IL3RA: variants seen among roughly 807,000 people sequenced by gnomAD.
IL3RA encodes the protein interleukin-3 receptor subunit alpha.
Under a neutral mutation model 52.3 loss-of-function variants are expected in IL3RA, and 73 were observed. The ratio of observed to expected loss-of-function variants is 1.40; its 90% CI spans 1.16 to 1.70. The LOEUF (loss-of-function observed/expected upper bound fraction) is 1.70. IL3RA is among the 40% of genes most tolerant of loss of function. The pLI, the probability that IL3RA is intolerant of heterozygous loss-of-function variation, is 0.00. For synonymous variants in IL3RA, 260 were observed against 194.0 expected (o/e 1.34, Z -2.83); for missense variants, 664 against 504.4 (o/e 1.32, Z -3.03).
chrX:1,378,686 C>T lies in IL3RA; in HGVS notation c.902C>T (p.Thr301Ile), dbSNP rs1569528320. Residue 301 changes from threonine to isoleucine, a missense_variant, in exon 10 of 12, where the codon ACA becomes ATA. Transcript: ENST00000331035. Reference protein sequence around the residue: ...FECDQEEGANTRAWRTSLLIA... With the variant: ...FECDQEEGANIRAWRTSLLIA... Reference sequence around the variant, plus strand: ...TGCGACCAGGAGGAGGGCGCAAACACACGTGCCTGGCGGACGTCGCTGCTG... The same window carrying T: ...TGCGACCAGGAGGAGGGCGCAAACATACGTGCCTGGCGGACGTCGCTGCTG... 9 of 1,612,732 alleles carry T rather than the reference C, an allele frequency of 5.6e-6. No individual in the cohort carries two copies. The highest frequency in any genetic ancestry group is 2.2e-5 in the East Asian group (1 of 44,892).
At chrX:1,354,104 A>G (rs2086421471) in intron 6 of IL3RA, among the ~76,000 whole-genome samples, 1 of 136,808 alleles carries the variant, frequency 7.3e-6, no homozygotes, top group South Asian at 2.4e-4. Flanking sequence ...ATCCCTCATC[A>G]TGGGTCATGG....
At chrX:1,355,468 G>GGGA (rs1302357154) in intron 6 of IL3RA, among the ~76,000 whole-genome samples, 4 of 142,884 alleles carry the variant, frequency 2.8e-5, no homozygotes, top group East Asian at 4.7e-4. Flanking sequence ...TAGGAGGAGG[G>GGGA]GGAGGAGGAG....
At chrX:1,361,577 TAG>T (rs2087368694) in intron 8 of IL3RA, among the ~76,000 whole-genome samples, 5 of 151,798 alleles carry the variant, frequency 3.3e-5, no homozygotes, top group Non-Finnish European at 4.4e-5. Context: ...TGGTGAAACC[TAG>T]CTCTACTAAA....
At chrX:1,347,552 G>C (rs1467010970) in intron 3 of IL3RA, among the ~76,000 whole-genome samples, 1 of 151,766 alleles carries the variant, frequency 6.6e-6, no homozygotes, top group Non-Finnish European at 1.5e-5. Flanking sequence ...CCGAGAGGTG[G>C]AGGTTGCAGT....
At chrX:1,341,485 CAT>C (rs1331975416) in intron 1 of IL3RA, among the ~76,000 whole-genome samples, 3 of 152,168 alleles carry the variant, frequency 2.0e-5, no homozygotes, top group Non-Finnish European at 4.4e-5. Flanking sequence ...GGCATGCACA[CAT>C]ATAGACCCAT....
At chrX:1,353,965 G>C (rs62605698) in intron 6 of IL3RA, among the ~76,000 whole-genome samples, 2 of 49,916 alleles carry the variant, frequency 4.0e-5, no homozygotes, top group Non-Finnish European at 8.3e-5. Flanking sequence ...ATCATGGGTC[G>C]TGGGACCCCC....
At chrX:1,364,637 T>A (rs1205461710) in intron 8 of IL3RA, among the ~76,000 whole-genome samples, 1 of 149,824 alleles carries the variant, frequency 6.7e-6, no homozygotes, top group Non-Finnish European at 1.5e-5. Context: ...CGTCTGGTAA[T>A]TTTTACAGTT....
In IL3RA at chrX:1,348,509, C is replaced by A. The variant is rs755723829; in HGVS notation, c.262C>A (p.Pro88Thr). The A allele has an allele frequency of 6.2e-7, 1 of 1,613,756 alleles. No individual in the cohort carries two copies. Among genetic ancestry groups the A allele is most frequent in the East Asian group, 2.2e-5 (1 of 44,880 alleles). The change falls in exon 4 of 12, where the codon CCA becomes ACA. Residue 88 changes from proline (P) to threonine (T), a missense_variant. Physicochemically the swap from Pro to Thr is conservative, Grantham distance 38. Transcript: ENST00000331035. ...VTNYTVRVAN[P>T]PFSTWILFPE... ...CAACTACACCGTCCGAGTGGCCAACCCACCATTCTCCACGTGGATCCTCTT... is the reference window on the plus strand; with the variant it reads ...CAACTACACCGTCCGAGTGGCCAACACACCATTCTCCACGTGGATCCTCTT...
At chrX:1,352,060 C>T (rs372292712) in intron 4 of IL3RA, 40 bp from the exon 5 acceptor site, 204 of 1,607,554 alleles carry the variant, frequency 1.3e-4, no homozygotes, top group African/African-American at 3.1e-4. Flanking sequence ...CCACCGCGCC[C>T]GGTCCCGATT....
At chrX:1,360,402 GTC>G (rs1345414969) in intron 8 of IL3RA, among the ~76,000 whole-genome samples, 2 of 146,846 alleles carry the variant, frequency 1.4e-5, no homozygotes, top group South Asian at 2.2e-4. Context: ...CCAAATCTGT[GTC>G]TCTGTCTCTC....
chrX:1,343,303 G>T (rs1161695972), intron 2 of IL3RA, among the ~76,000 whole-genome samples: 2 of 152,058 alleles, frequency 1.3e-5, no homozygotes, highest in Non-Finnish European at 1.5e-5. Context: ...GCCGATCAGA[G>T]ATAAACCCTA....
intron 4 of IL3RA, among the ~76,000 whole-genome samples, chrX:1,349,725 C>T (rs1476017806): frequency 2.6e-5 from 4 of 151,594 alleles, no homozygotes; most frequent in African/African-American, 4.9e-5. Flanking sequence ...TGCAGTGGTG[C>T]GATTTCAGCT....
At chrX:1,346,115 C>A (rs1332060571) in intron 3 of IL3RA, among the ~76,000 whole-genome samples, 2 of 150,946 alleles carry the variant, frequency 1.3e-5, no homozygotes, top group Non-Finnish European at 2.9e-5. Flanking sequence ...GAGTTCGAGA[C>A]CAGTCTGGCC....
chrX:1,349,036 C>G (rs2148941646), intron 4 of IL3RA, among the ~76,000 whole-genome samples: 1 of 150,068 alleles, frequency 6.7e-6, no homozygotes, highest in African/African-American at 2.4e-5. Context: ...CTGACACGGT[C>G]TTGCTCTGTT....
At position 1,378,768 on chromosome X, in the gene IL3RA, A is replaced by G; in HGVS notation, c.980+4A>G. On this transcript the variant is annotated splice_donor_region_variant and intron_variant, in intron 10 of 11. Transcript: ENST00000331035. The stretch of plus-strand genomic sequence containing the variant: ...GTGTCTTCGTGATCTGCAGAAGGTG[A>G]GCCCTCGAGGGCGTCCGCGAGCGTC... 1 of 1,611,920 alleles carries G rather than the reference A, an allele frequency of 6.2e-7. No homozygotes were observed. Among genetic ancestry groups the G allele is most frequent in the Non-Finnish European group, 8.5e-7 (1 of 1,179,468 alleles).
At chrX:1,353,835 C>A (rs1356730809) in intron 6 of IL3RA, among the ~76,000 whole-genome samples, 1 of 135,268 alleles carries the variant, frequency 7.4e-6, no homozygotes, top group Admixed American at 7.8e-5. Flanking sequence ...CATCATGGGT[C>A]ATGGGAACCC....
intron 1 of IL3RA, among the ~76,000 whole-genome samples, chrX:1,340,310 T>G (rs2085443822): frequency 6.6e-6 from 1 of 152,050 alleles, no homozygotes. Context: ...GAGACGGGGT[T>G]TCACCATGTT....
rs1220219572 is a variant in IL3RA, at chrX:1,382,553, G to A, written c.*88G>A. The A allele has an allele frequency of 6.5e-6, 8 of 1,234,134 alleles. No individual in the cohort carries two copies. The highest frequency in any genetic ancestry group is 2.3e-5 in the East Asian group (1 of 43,178). 76.4% of individuals were successfully genotyped at this position (1,234,134 alleles called of 1,614,324 possible). A position where few individuals can be genotyped will look rare whatever the true frequency, so the allele number is the denominator to read the frequency against. ...CAGACTGGCTGCTGGACCTGCGCACGCAGCCCAGGAATGGACATTCCTAAC... is the reference window on the plus strand; with the variant it reads ...CAGACTGGCTGCTGGACCTGCGCACACAGCCCAGGAATGGACATTCCTAAC... On this transcript the variant is annotated 3_prime_UTR_variant, in exon 12 of 12. Coordinates refer to ENST00000331035, the MANE Select transcript of IL3RA (RefSeq NM_002183.4).
intron 9 of IL3RA, among the ~76,000 whole-genome samples, chrX:1,366,598 T>G (rs1271590381): frequency 1.7e-4 from 3 of 18,168 alleles, no homozygotes; most frequent in Non-Finnish European, 1.7e-4. Context: ...GGGTGCGCGG[T>G]GCGCGGGGTG....
Sources: allele counts gnomAD v4.1 joint callset (sites outside exome capture counted in the v4.1 genomes callset), GRCh38; gene constraint gnomAD v4.1.1; transcripts MANE v1.5; gene names NCBI Gene and HGNC (gene_info 2026-07-23, HGNC 2026-07-21).